Variants in CTNNA2 observed in about 807,000 individuals in gnomAD.
CTNNA2 encodes the protein catenin alpha-2.
Under a neutral mutation model 101.0 loss-of-function variants are expected in CTNNA2, and 42 were observed. The observed-to-expected ratio is 0.42, with a 90% confidence interval of 0.32 to 0.54. CTNNA2 has a LOEUF of 0.54. CTNNA2 is among the 20% of genes least tolerant of loss of function. The probability of loss-of-function intolerance (pLI) is 0.14; values close to 1 mark genes in which losing one functional copy is unlikely to be tolerated. For missense variants in CTNNA2, 871 were observed against 1,223.1 expected (o/e 0.71, Z 4.29); for synonymous variants, 450 against 456.4 (o/e 0.99, Z 0.18).
chr2:79,634,702 A>C (rs1420761879), intron 1 of CTNNA2: 1 of 152,416 alleles, frequency 6.6e-6, no homozygotes, highest in Non-Finnish European at 1.5e-5. Context: ...TAACCAAAGT[A>C]AGTCAAGTAA....
rs915419800 is a variant in CTNNA2, at chr2:80,091,709, G to T, written c.1056+181912G>T. 2.0e-5 allele frequency among the ~76,000 whole-genome samples: 3 copies of T among 152,070 alleles called. No homozygotes were observed. In the South Asian group the frequency reaches 6.2e-4, roughly 31 times the overall value. The stretch of plus-strand genomic sequence containing the variant: ...GCCTCCCTAGCCTCATTTCAGCTGT[G>T]AGGTGATGGGATACCAGGAACATTA... On this transcript the variant is annotated intron_variant, in intron 7 of 18. Coordinates refer to ENST00000402739, the MANE Select transcript of CTNNA2 (RefSeq NM_001282597.3).
intron 4 of CTNNA2, among the ~76,000 whole-genome samples, chr2:79,454,348 G>A (rs1301218197): frequency 6.6e-6 from 1 of 151,872 alleles, no homozygotes; most frequent in Admixed American, 6.6e-5. Flanking sequence ...TCTAGTACTT[G>A]CAATCTACAT....
At chr2:79,225,762 G>A (rs1409108671) in intron 2 of CTNNA2, among the ~76,000 whole-genome samples, 1 of 152,172 alleles carries the variant, frequency 6.6e-6, no homozygotes, top group Non-Finnish European at 1.5e-5. Flanking sequence ...ACTATGTGCA[G>A]AACAAGCAGA....
chr2:79,291,009 G>A (rs1428762878), intron 2 of CTNNA2, among the ~76,000 whole-genome samples: 4 of 152,136 alleles, frequency 2.6e-5, no homozygotes, highest in Admixed American at 2.6e-4. Context: ...ACCCCTAGAT[G>A]CTGCCATGGG....
rs561859214 is a variant in CTNNA2, at chr2:79,570,669, T to TAAC, written c.-6+57464_-6+57466dup. On this transcript the variant is annotated intron_variant, in intron 1 of 18. Coordinates refer to ENST00000402739, the MANE Select transcript of CTNNA2 (RefSeq NM_001282597.3). ...GTATTCAGAAAACTATACTTTAGAATAACATTTAGCTATAAATTTACAAAA... is the reference window on the plus strand; with the variant it reads ...GTATTCAGAAAACTATACTTTAGAATAACAACATTTAGCTATAAATTTACAAAA... 1.1e-3 allele frequency among the ~76,000 whole-genome samples: 172 copies of TAAC among 152,202 alleles called. 1 individual carries two copies. Among genetic ancestry groups the TAAC allele is most frequent in the African/African-American group, 3.9e-3 (162 of 41,550 alleles).
chr2:80,320,997 C>T (rs1678622090), intron 7 of CTNNA2, among the ~76,000 whole-genome samples: 1 of 152,086 alleles, frequency 6.6e-6, no homozygotes, highest in Non-Finnish European at 1.5e-5. Flanking sequence ...CAAATCAGTC[C>T]ACCATAGTGT....
chr2:80,105,940 A>G (rs941102168), intron 7 of CTNNA2, among the ~76,000 whole-genome samples: 1 of 152,186 alleles, frequency 6.6e-6, no homozygotes, highest in African/African-American at 2.4e-5. Flanking sequence ...CTCACTTACT[A>G]GTGTTACCCA....
At chr2:80,249,056 C>A (rs1301654858) in intron 7 of CTNNA2, among the ~76,000 whole-genome samples, 1 of 152,118 alleles carries the variant, frequency 6.6e-6, no homozygotes, top group East Asian at 1.9e-4. Flanking sequence ...GTGCCCTTCT[C>A]TCCTCCATCA....
chr2:79,844,201 GA>G (rs1680034058), intron 3 of CTNNA2, among the ~76,000 whole-genome samples: 1 of 152,152 alleles, frequency 6.6e-6, no homozygotes, highest in Admixed American at 6.5e-5. Flanking sequence ...CAAGAGGCAG[GA>G]AGACCCTGAG....
chr2:80,286,738 T>G (rs1674798119), intron 7 of CTNNA2, among the ~76,000 whole-genome samples: 1 of 152,218 alleles, frequency 6.6e-6, no homozygotes, highest in South Asian at 2.1e-4. Flanking sequence ...TTCCCTGAAT[T>G]GAGGAAACCG....
chr2:79,851,737 C>CTTTTTTTTTTT (rs11399192), intron 3 of CTNNA2, among the ~76,000 whole-genome samples: 2 of 87,124 alleles, frequency 2.3e-5, no homozygotes, highest in Non-Finnish European at 4.0e-5. Context: ...TTTTCTTTTC[C>CTTTTTTTTTTT]TTTTTTTTTT....
At chr2:79,757,842 T>A (rs1672498663) in intron 3 of CTNNA2, among the ~76,000 whole-genome samples, 1 of 152,200 alleles carries the variant, frequency 6.6e-6, no homozygotes, top group Non-Finnish European at 1.5e-5. Flanking sequence ...TCATCTTACA[T>A]TCATTCCAGC....
At chr2:80,036,162 T>C (rs1329397494) in intron 7 of CTNNA2, among the ~76,000 whole-genome samples, 2 of 152,116 alleles carry the variant, frequency 1.3e-5, no homozygotes, top group African/African-American at 4.8e-5. Flanking sequence ...GACTGGAGCA[T>C]GTCAGGGACG....
chr2:80,339,181 G>A (rs1672011414), intron 7 of CTNNA2, among the ~76,000 whole-genome samples: 1 of 152,130 alleles, frequency 6.6e-6, no homozygotes, highest in African/African-American at 2.4e-5. Context: ...TAACGTGTGT[G>A]TGTGTGCACA....
At chr2:80,386,861 G>T (rs1198986429) in intron 7 of CTNNA2, among the ~76,000 whole-genome samples, 1 of 152,080 alleles carries the variant, frequency 6.6e-6, no homozygotes, top group African/African-American at 2.4e-5. Context: ...TTACAACCAT[G>T]TCCCACATAT....
At chr2:80,095,168 G>A (rs1286217876) in intron 7 of CTNNA2, among the ~76,000 whole-genome samples, 1 of 152,196 alleles carries the variant, frequency 6.6e-6, no homozygotes, top group African/African-American at 2.4e-5. Flanking sequence ...ATTATTTTGA[G>A]ATATGTCCCA....
Position 79,226,953 on chromosome 2 carries a change from G to C in CTNNA2, c.-406+28877G>C, listed in dbSNP as rs74716024. 3.5e-3 allele frequency among the ~76,000 whole-genome samples: 519 copies of C among 149,144 alleles called. 12 individuals carry two copies. The East Asian group carries it at 0.064, about 18-fold the overall frequency. Reference sequence around the variant, plus strand: ...AGTTGCAAAACCATTCAGCTGCTCAGATGGAGAGCTCTGAGGGACTCTGGG... The same window carrying C: ...AGTTGCAAAACCATTCAGCTGCTCACATGGAGAGCTCTGAGGGACTCTGGG... On this transcript the variant is annotated intron_variant, in intron 2 of 21. Coordinates refer to the CTNNA2 transcript ENST00000466387.
In CTNNA2 at chr2:79,906,257, C is replaced by G. The variant is rs138550390; in HGVS notation, c.853-3337C>G. 4.6e-3 allele frequency among the ~76,000 whole-genome samples: 705 copies of G among 151,920 alleles called. 5 individuals are homozygous for G. Among genetic ancestry groups the G allele is most frequent in the Non-Finnish European group, 7.9e-3 (536 of 67,920 alleles). The stretch of plus-strand genomic sequence containing the variant: ...CCCATACACACATACACACACAGCT[C>G]CACATACACACAACCAGTGCCCATC... On this transcript the variant is annotated intron_variant, in intron 6 of 18. Transcript: ENST00000402739.
At chr2:79,991,886 A>T (rs1056602232) in intron 7 of CTNNA2, among the ~76,000 whole-genome samples, 2 of 152,142 alleles carry the variant, frequency 1.3e-5, no homozygotes, top group African/African-American at 4.8e-5. Flanking sequence ...TTCTTTGTGT[A>T]ATTAAATCCA....
Sources: allele counts gnomAD v4.1 joint callset (sites outside exome capture counted in the v4.1 genomes callset), GRCh38; gene constraint gnomAD v4.1.1; transcripts MANE v1.5; gene names NCBI Gene and HGNC (gene_info 2026-07-23, HGNC 2026-07-21).